Variants in ATG16L1 observed in about 807,000 individuals in gnomAD.
The protein encoded by ATG16L1 is autophagy-related protein 16-1.
A neutral mutation model predicts 88.5 loss-of-function variants in ATG16L1; 37 were observed. The ratio of observed to expected loss-of-function variants is 0.42; its 90% CI spans 0.32 to 0.55. The LOEUF is 0.55. Among genes scored for constraint, ATG16L1 ranks in the 20% least tolerant of loss-of-function variants. The pLI, the probability that ATG16L1 is intolerant of heterozygous loss-of-function variation, is 0.13. For missense variants in ATG16L1, 554 were observed against 752.8 expected (o/e 0.74, Z 3.09); for synonymous variants, 301 against 281.0 (o/e 1.07, Z -0.71).
At chr2:233,264,141 A>T (rs1028104267) in intron 4 of ATG16L1, 76 bp downstream of exon 4, 13 of 1,492,164 alleles carry the variant, frequency 8.7e-6, no homozygotes, top group Admixed American at 8.5e-5. Flanking sequence ...TCTTGTGAGC[A>T]GGGCCAGTGG....
intron 11 of ATG16L1, among the ~76,000 whole-genome samples, chr2:233,281,405 G>C (rs1172195525): frequency 6.6e-6 from 1 of 152,102 alleles, no homozygotes; most frequent in Non-Finnish European, 1.5e-5. Flanking sequence ...TCAGTACTTT[G>C]TATAATTTCA....
chr2:233,278,955 G>T (rs1475767844), intron 10 of ATG16L1, among the ~76,000 whole-genome samples: 2 of 152,274 alleles, frequency 1.3e-5, no homozygotes, highest in East Asian at 3.9e-4. Context: ...CAAGAGGATT[G>T]CTTGAGGCCA....
intron 6 of ATG16L1, among the ~76,000 whole-genome samples, chr2:233,272,637 A>G (rs545213888): frequency 1.3e-5 from 2 of 152,250 alleles, no homozygotes; most frequent in South Asian, 2.1e-4. Context: ...GGAATGCCCT[A>G]CTTTGGCACT....
intron 2 of ATG16L1, among the ~76,000 whole-genome samples, chr2:233,259,726 T>G (rs1347591077): frequency 6.6e-6 from 1 of 152,164 alleles, no homozygotes; most frequent in Non-Finnish European, 1.5e-5. Flanking sequence ...TTTCCACTAG[T>G]CATCTATGGT....
intron 2 of ATG16L1, among the ~76,000 whole-genome samples, chr2:233,261,103 C>T (rs973501574): frequency 2.0e-5 from 3 of 152,082 alleles, no homozygotes; most frequent in Non-Finnish European, 2.9e-5. Context: ...CTACAGGTGC[C>T]CGCCACCACG....
chr2:233,285,091 A>AT (rs1292004224), intron 12 of ATG16L1, among the ~76,000 whole-genome samples: 1 of 152,220 alleles, frequency 6.6e-6, no homozygotes, highest in Non-Finnish European at 1.5e-5. Flanking sequence ...GAATAGGGTC[A>AT]TTTGAAGCCC....
intron 1 of ATG16L1, among the ~76,000 whole-genome samples, chr2:233,254,271 C>T (rs73998321): frequency 0.019 from 2,853 of 152,236 alleles, 94 homozygotes; most frequent in African/African-American, 0.064. Flanking sequence ...CCTGAGGGAC[C>T]AGGACAGGAG....
intron 1 of ATG16L1, among the ~76,000 whole-genome samples, chr2:233,253,719 G>A (rs954375276): frequency 1.3e-5 from 2 of 152,084 alleles, no homozygotes; most frequent in African/African-American, 4.8e-5. Flanking sequence ...CCCAGCAAAT[G>A]GTTCTTTGCT....
At chr2:233,254,920 T>TGTGCCTG in intron 1 of ATG16L1, among the ~76,000 whole-genome samples, 1 of 152,154 alleles carries the variant, frequency 6.6e-6, no homozygotes, top group African/African-American at 2.4e-5. Context: ...CATCTGATCT[T>TGTGCCTG]ACTGGTGCCT....
At chr2:233,274,210 A>G (rs1256237350) in intron 8 of ATG16L1, 2 of 666,204 alleles carry the variant, frequency 3.0e-6, no homozygotes, top group Non-Finnish European at 5.1e-6. Context: ...CAGGTTGAAC[A>G]CTTTGTACAG....
In ATG16L1 at chr2:233,282,691, C is replaced by G. The variant is rs373156207; in HGVS notation, c.1141C>G (p.Leu381Val). Residue 381 changes from leucine (L) to valine (V), a missense_variant, in exon 12 of 18, where the codon CTC becomes GTC. Coordinates refer to ENST00000392017, the MANE Select transcript of ATG16L1 (RefSeq NM_030803.7). ...TTCTTTATTCCCACAGGGATCTTAC[C>G]TCTTAGCAGCTTCAAATGATTTTGC... Reference protein sequence around the residue: ...SIEFDSAGSYLLAASNDFASR... With the variant: ...SIEFDSAGSYVLAASNDFASR... 3.1e-6 allele frequency: 5 copies of G among 1,613,868 alleles called. No homozygotes were observed. Among genetic ancestry groups the G allele is most frequent in the African/African-American group, 1.3e-5 (1 of 74,890 alleles).
At position 233,270,152 on chromosome 2, in the gene ATG16L1, G is replaced by T. The variant is rs539209824; in HGVS notation, c.707+85G>T. 781 of 1,334,904 alleles carry T rather than the reference G, an allele frequency of 5.9e-4. 8 individuals are homozygous for T. The South Asian group carries it at 0.01, about 17-fold the overall frequency. The allele number at this position is 1,334,904 out of a possible 1,614,324, so 82.7% of individuals were successfully genotyped here. A position where few individuals can be genotyped will look rare whatever the true frequency, so the allele number is the denominator to read the frequency against. On this transcript the variant is annotated intron_variant, in intron 6 of 17. Coordinates refer to ENST00000392017, the MANE Select transcript of ATG16L1 (RefSeq NM_030803.7). ...TTGTTTTTATTTTTTTTTTTGTTTG[G>T]TTTTTTTTGAGACAGGGTCTTGCTC...
intron 2 of ATG16L1, among the ~76,000 whole-genome samples, chr2:233,262,650 A>G (rs532208499): frequency 6.6e-6 from 1 of 152,286 alleles, no homozygotes; most frequent in Non-Finnish European, 1.5e-5. Context: ...TGTGTCACGT[A>G]GGAGAAACCC....
At chr2:233,252,007 A>G (rs1165043890) in intron 1 of ATG16L1, 65 bp downstream of exon 1, 2 of 1,378,750 alleles carry the variant, frequency 1.5e-6, no homozygotes, top group Non-Finnish European at 1.9e-6. Context: ...GCGGGGCGTC[A>G]GCGGGAACCT....
chr2:233,278,830 C>T (rs1294126754), intron 10 of ATG16L1, among the ~76,000 whole-genome samples: 1 of 152,158 alleles, frequency 6.6e-6, no homozygotes, highest in African/African-American at 2.4e-5. Context: ...TTGAAGCATA[C>T]TAAAATTTAC....
chr2:233,273,182 G>A (rs1433051337), intron 7 of ATG16L1, 130 bp downstream of exon 7: 8 of 697,548 alleles, frequency 1.1e-5, no homozygotes, highest in Admixed American at 4.8e-5. Context: ...ACCCAGCGTC[G>A]AACACACCAC....
Position 233,273,017 on chromosome 2 carries a change from G to A in ATG16L1, c.759G>A (p.Glu253=). 6.2e-7 allele frequency: 1 copy of A among 1,614,104 alleles called. No homozygotes were observed. The highest frequency in any genetic ancestry group is 1.3e-5 in the African/African-American group (1 of 75,050). Residue 253 remains glutamate, a synonymous_variant, in exon 7 of 18, where the codon GAG becomes GAA. Transcript: ENST00000392017. ...IVDETSDHTE[E]TSPVRAISRA... ...ATGAAACTTCTGATCACACAGAAGA[G>A]ACCTCTCCTGTGCGAGCCATCAGCA...
intron 10 of ATG16L1, among the ~76,000 whole-genome samples, chr2:233,278,633 A>G (rs943366900): frequency 6.6e-5 from 10 of 152,240 alleles, no homozygotes; most frequent in African/African-American, 2.4e-4. Flanking sequence ...GGACTAATGC[A>G]GGCCAGAAGA....
chr2:233,269,974 T>C, intron 5 of ATG16L1, 28 bp from the exon 6 acceptor site: 5 of 1,559,572 alleles, frequency 3.2e-6, no homozygotes, highest in Non-Finnish European at 4.3e-6. Context: ...ACATAAATGG[T>C]GGGCTTTTTT....
Sources: gnomAD v4.1 joint callset for allele counts (sites outside exome capture counted in the v4.1 genomes callset) on GRCh38, gnomAD v4.1.1 for gene constraint, MANE v1.5 for transcripts, NCBI Gene and HGNC (gene_info 2026-07-23, HGNC 2026-07-21) for gene names.